The following TAF1 variants were observed in gnomAD, a reference collection of about 807,000 sequenced individuals.
The protein encoded by TAF1 is TATA-box binding protein associated factor 1, also known as transcription initiation factor TFIID subunit 1.
Under a neutral mutation model 138.5 loss-of-function variants are expected in TAF1, and 2 were observed. The ratio of observed to expected loss-of-function variants is 0.01; its 90% confidence interval spans 0.01 to 0.05. The LOEUF (loss-of-function observed/expected upper bound fraction) is 0.05, where lower values mean the gene tolerates loss of function less well. TAF1 is among the 10% of genes least tolerant of loss of function. The pLI is 1.00. For synonymous variants in TAF1, 437 were observed against 503.2 expected, an observed-to-expected ratio of 0.87 and a Z score of 1.76; for missense variants, 709 against 1,478.0, an observed-to-expected ratio of 0.48 and a Z score of 8.53.
intron 32 of TAF1, among the ~76,000 whole-genome samples, chrX:71,450,018 C>T (rs897358317): frequency 8.9e-6 from 1 of 111,789 alleles, no homozygotes; most frequent in African/African-American, 3.2e-5. Flanking sequence ...AGTGATCATC[C>T]TGCCCAGCCT....
chrX:71,426,328 G>C (rs1362432451), intron 32 of TAF1, among the ~76,000 whole-genome samples: 1 of 110,970 alleles, frequency 9.0e-6, no homozygotes, highest in Non-Finnish European at 1.9e-5. Context: ...AAGATCAATG[G>C]TGTTTACTTG....
intron 13 of TAF1, among the ~76,000 whole-genome samples, chrX:71,506,188 G>A (rs934014898): frequency 9.3e-6 from 1 of 107,535 alleles, no homozygotes; most frequent in Non-Finnish European, 1.9e-5. Flanking sequence ...CAACAAGAGC[G>A]AAACTCCGTC....
chrX:71,406,631 A>G lies in TAF1; in HGVS notation c.3999-7A>G, dbSNP rs1245184448. 8.3e-7 allele frequency: 1 copy of G among 1,205,942 alleles called. No homozygotes were observed. Among genetic ancestry groups the G allele is most frequent in the African/African-American group, 1.7e-5 (1 of 57,329 alleles). ...GGCTGTATCTAACTAAAGTGTTTTG[A>G]TTTTAGTGCGGATGAGGTTCGCAGA... is the stretch of plus-strand genomic sequence containing the variant. On this transcript the variant is annotated splice_polypyrimidine_tract_variant and splice_region_variant and intron_variant, in intron 25 of 37. Coordinates refer to ENST00000423759, the MANE Select transcript of TAF1 (RefSeq NM_004606.5).
At chrX:71,523,294 G>A (rs936493297) in intron 13 of TAF1, among the ~76,000 whole-genome samples, 3 of 109,369 alleles carry the variant, frequency 2.7e-5, no homozygotes, top group Non-Finnish European at 5.7e-5. Flanking sequence ...ACAGAATGAA[G>A]TTTTATTTCT....
At chrX:71,496,932 TC>T (rs2039408635) in intron 13 of TAF1, among the ~76,000 whole-genome samples, 1 of 112,404 alleles carries the variant, frequency 8.9e-6, no homozygotes, top group Non-Finnish European at 1.9e-5. Flanking sequence ...TAATGGGGGT[TC>T]CTTCAGAGGT....
chrX:71,501,456 C>T (rs776358009), intron 13 of TAF1, among the ~76,000 whole-genome samples: 3 of 111,015 alleles, frequency 2.7e-5, no homozygotes, highest in South Asian at 3.8e-4. Context: ...GGACGAGCCT[C>T]GGAGAAGAGA....
At chrX:71,496,686 A>T (rs2039402861) in intron 13 of TAF1, among the ~76,000 whole-genome samples, 5 of 98,754 alleles carry the variant, frequency 5.1e-5, no homozygotes, top group Admixed American at 1.1e-4. Flanking sequence ...CCTCTCTCTG[A>T]CTTGCTCTTT....
rs769848536 is a variant in TAF1 at position 71,464,368 on chromosome X, G to A, written c.*322G>A. 18 of 377,068 alleles carry A rather than the reference G, an allele frequency of 4.8e-5. No individual in the cohort carries two copies. Among genetic ancestry groups the A allele is most frequent in the East Asian group, 4.1e-4 (10 of 24,141 alleles). 31.1% of individuals were successfully genotyped at this position (377,068 alleles called of 1,213,427 possible). ...ATAATTTTTCCCTGGGGAAGGAGGG[G>A]AAATTATGAAAGAACTAGTAACTTT... On this transcript the variant is annotated 3_prime_UTR_variant, in exon 38 of 38. Transcript: ENST00000423759.
Position 71,407,992 on chromosome X carries a change from C to T in TAF1, c.4225C>T (p.Pro1409Ser). 1 of 1,210,654 alleles carries T rather than the reference C, an allele frequency of 8.3e-7. No individual in the cohort carries two copies. Among genetic ancestry groups the T allele is most frequent in the Non-Finnish European group, 1.1e-6 (1 of 895,173 alleles). ...TTTGCAGACATACCCTTTCCACACT[C>T]CAGTCAATGCAAAGGTTGTAAAGGA... ...DLPNTYPFHT[P>S]VNAKVVKDYY... is the part of the protein sequence containing the mutation. Residue 1409 changes from proline (P) to serine (S), a missense_variant, in exon 28 of 38, where the codon CCA becomes TCA. By Grantham distance (74) the Pro-to-Ser change is moderately conservative. Transcript: ENST00000423759.
At chrX:71,444,502 T>C (rs1012781764) in intron 32 of TAF1, among the ~76,000 whole-genome samples, 14 of 111,244 alleles carry the variant, frequency 1.3e-4, no homozygotes, top group Non-Finnish European at 2.3e-4. Context: ...GAAGACTGCT[T>C]GAACCCAGCA....
chrX:71,413,204 C>T (rs1160601413), intron 28 of TAF1, among the ~76,000 whole-genome samples: 1 of 111,721 alleles, frequency 9.0e-6, no homozygotes, highest in Non-Finnish European at 1.9e-5. Flanking sequence ...ACCTAGGAGC[C>T]GAATTGCTGA....
At chrX:71,433,533 A>G (rs1003049740) in intron 32 of TAF1, among the ~76,000 whole-genome samples, 10 of 111,046 alleles carry the variant, frequency 9.0e-5, no homozygotes, top group Admixed American at 1.9e-4. Flanking sequence ...CCTTCTTCTG[A>G]TTGTTGTCCT....
chrX:71,502,395 C>G (rs1190009151), intron 13 of TAF1, among the ~76,000 whole-genome samples: 1 of 111,308 alleles, frequency 9.0e-6, no homozygotes, highest in Non-Finnish European at 1.9e-5. Context: ...TAGCTAGACA[C>G]AGAGTGCTGA....
In TAF1 at chrX:71,393,224, T is replaced by TGTGTG. The variant is rs2034662882; in HGVS notation, c.3052-77_3052-76insGTGTG. On this transcript the variant is annotated intron_variant, in intron 20 of 37. Transcript: ENST00000423759. ...TTGTCCTTTGAAATCCCTGAATGAT[T>TGTGTG]TGTGTGTGTGTGTGTGTGTGTGTGT... 17 of 955,870 alleles carry TGTGTG rather than the reference T, an allele frequency of 1.8e-5. No individual in the cohort carries two copies. In the African/African-American group the frequency reaches 3.2e-4, roughly 18 times the overall value. The allele number at this position is 955,870 out of a possible 1,213,427, so 78.8% of individuals were successfully genotyped here.
In TAF1 at chrX:71,427,025, A is replaced by T. The variant is rs1196118774; in HGVS notation, c.4753+2787A>T. 3.6e-5 allele frequency among the ~76,000 whole-genome samples: 4 copies of T among 112,124 alleles called. No homozygotes were observed. In the East Asian group the frequency reaches 1.1e-3, roughly 31 times the overall value. ...CCTGTAATTTTTAGCAGTAAGTAGT[A>T]CGGCTGTTAAGTTTGTCAGAAGGGG... On this transcript the variant is annotated intron_variant, in intron 32 of 37. Transcript: ENST00000423759.
At chrX:71,370,230 G>T (rs1384188828) in intron 3 of TAF1, among the ~76,000 whole-genome samples, 1 of 111,446 alleles carries the variant, frequency 9.0e-6, no homozygotes, top group African/African-American at 3.3e-5. Flanking sequence ...TGTCTCAAAA[G>T]ATAATGAAGT....
In TAF1 at chrX:71,454,088, A is replaced by G. The variant is rs1290675590; in HGVS notation, c.4754-82A>G. 11 of 877,840 alleles carry G rather than the reference A, an allele frequency of 1.3e-5. No homozygotes were observed. In the Admixed American group the frequency reaches 2.2e-4, roughly 18 times the overall value. 72.3% of individuals were successfully genotyped at this position (877,840 alleles called of 1,213,427 possible). ...GCATGGTTTTTCTAGGTCTAGGATA[A>G]TGGGACACACTGCTGATGACAGAAT... On this transcript the variant is annotated intron_variant, in intron 32 of 37. Coordinates refer to ENST00000423759, the MANE Select transcript of TAF1 (RefSeq NM_004606.5).
intron 29 of TAF1, among the ~76,000 whole-genome samples, chrX:71,422,193 GT>G (rs951401008): frequency 1.8e-5 from 2 of 111,652 alleles, no homozygotes; most frequent in South Asian, 7.4e-4. Flanking sequence ...TGCTAAAGAT[GT>G]TTTTTTGTGT....
At chrX:71,407,746 G>T in intron 27 of TAF1, 74 bp downstream of exon 27, 1 of 1,054,739 alleles carries the variant, frequency 9.5e-7, no homozygotes, top group South Asian at 2.0e-5. Context: ...TCCAATAGAG[G>T]GCAGTAATCT....
Sources: gnomAD v4.1 joint callset for allele counts (sites outside exome capture counted in the v4.1 genomes callset) on GRCh38, gnomAD v4.1.1 for gene constraint, MANE v1.5 for transcripts, NCBI Gene and HGNC (gene_info 2026-07-23, HGNC 2026-07-21) for gene names.